The following EYS variants were observed in gnomAD, a reference collection of about 807,000 sequenced individuals.
The protein encoded by EYS is protein eyes shut homolog.
Under a neutral mutation model 282.1 loss-of-function variants are expected in EYS, and 250 were observed. That is an observed-to-expected ratio of 0.89 (90% CI 0.80 to 0.98). EYS has a LOEUF of 0.98. Ranked by LOEUF, EYS falls within the 50% of genes least tolerant of loss-of-function variation. EYS has a pLI of 0.00. For missense variants in EYS, 4,016 were observed against 3,709.0 expected, an observed-to-expected ratio of 1.08 and a Z score of -2.15; for synonymous variants, 1,355 against 1,282.9, an observed-to-expected ratio of 1.06 and a Z score of -1.20.
chr6:65,291,375 G>T lies in EYS; in HGVS notation c.2023+4488C>A, dbSNP rs765629516. 3.8e-4 allele frequency among the ~76,000 whole-genome samples: 58 copies of T among 151,592 alleles called. No homozygotes were observed. The Middle Eastern group carries it at 0.014, about 36-fold the overall frequency. ...AGTGTAAATGAGGACAGAGAATTTGGTTGTACCAAATCAACAACCACTCAC... is the reference window on the plus strand; with the variant it reads ...AGTGTAAATGAGGACAGAGAATTTGTTTGTACCAAATCAACAACCACTCAC... On this transcript the variant is annotated intron_variant, in intron 12 of 42. Transcript: ENST00000503581.
At chr6:64,779,908 G>T (rs551276648) in intron 22 of EYS, among the ~76,000 whole-genome samples, 1 of 152,214 alleles carries the variant, frequency 6.6e-6, no homozygotes, top group South Asian at 2.1e-4. Context: ...TCCTGCCTGG[G>T]GATCACCTCT....
chr6:64,912,938 AC>A (rs1356882165), intron 15 of EYS, among the ~76,000 whole-genome samples, 195 bp from the exon 16 acceptor site: 1 of 152,122 alleles, frequency 6.6e-6, no homozygotes, highest in Non-Finnish European at 1.5e-5. Flanking sequence ...CATAAAACTT[AC>A]CACCTTGGCT....
intron 31 of EYS, among the ~76,000 whole-genome samples, chr6:64,213,941 C>A (rs1765857161): frequency 6.6e-6 from 1 of 152,102 alleles, no homozygotes; most frequent in South Asian, 2.1e-4. Flanking sequence ...TGTCCAGAGT[C>A]ATACATTCAT....
intron 30 of EYS, among the ~76,000 whole-genome samples, chr6:64,297,907 G>T (rs936011542): frequency 2.7e-5 from 4 of 150,216 alleles, no homozygotes; most frequent in African/African-American, 9.9e-5. Context: ...GAACCCAGGA[G>T]GCAGAGGTTG....
At chr6:63,881,548 A>C (rs1562076683) in intron 35 of EYS, among the ~76,000 whole-genome samples, 1 of 152,246 alleles carries the variant, frequency 6.6e-6, no homozygotes, top group Non-Finnish European at 1.5e-5. Flanking sequence ...CCAGTTCCGA[A>C]TTAAAATTTT....
chr6:64,967,147 G>T (rs1770121122), intron 14 of EYS, among the ~76,000 whole-genome samples: 1 of 150,732 alleles, frequency 6.6e-6, no homozygotes, highest in Non-Finnish European at 1.5e-5. Context: ...CATGTAATCT[G>T]CCTGTCTCTA....
At position 64,420,723 on chromosome 6, in the gene EYS, G is replaced by T. The variant is rs532022152; in HGVS notation, c.5927+15451C>A. Among the ~76,000 whole-genome samples the T allele has an allele frequency of 1.1e-4, 16 of 152,248 alleles. No individual in the cohort carries two copies. The South Asian group carries it at 3.1e-3, about 30-fold the overall frequency. ...CTAAATCATCTCTCTCATGTTTAAA[G>T]TTCCACAGATCTCTTGGGTAGGGAC... On this transcript the variant is annotated intron_variant, in intron 28 of 42. Transcript: ENST00000503581.
In EYS at chr6:64,893,665, C is replaced by T. The variant is rs570540728; in HGVS notation, c.2847-6823G>A. Among the ~76,000 whole-genome samples, 192 of 151,990 alleles carry T rather than the reference C, an allele frequency of 1.3e-3. 1 individual carries two copies. Among genetic ancestry groups the T allele is most frequent in the African/African-American group, 4.5e-3 (186 of 41,502 alleles). On this transcript the variant is annotated intron_variant, in intron 18 of 42. Coordinates refer to ENST00000503581, the MANE Select transcript of EYS (RefSeq NM_001142800.2). ...AAATGGCTTTTATTATAATAATTTA[C>T]ACCAGGTAATTTTCTAAGAATAGAA...
At chr6:63,915,502 T>C (rs1024327683) in intron 35 of EYS, among the ~76,000 whole-genome samples, 11 of 152,308 alleles carry the variant, frequency 7.2e-5, no homozygotes, top group African/African-American at 2.2e-4. Context: ...CTGTAGCCCA[T>C]GAATTAAGGA....
At chr6:65,567,541 T>C (rs1446649884) in intron 2 of EYS, among the ~76,000 whole-genome samples, 27 of 152,038 alleles carry the variant, frequency 1.8e-4, no homozygotes, top group Non-Finnish European at 1.5e-5. Context: ...CTGAATGTCT[T>C]CTAATATTCC....
In EYS at chr6:65,335,068, C is replaced by A; in HGVS notation, c.1678G>T (p.Gly560Cys). 6.2e-7 allele frequency: 1 copy of A among 1,611,994 alleles called. No individual in the cohort carries two copies. Among genetic ancestry groups the A allele is most frequent in the Non-Finnish European group, 8.5e-7 (1 of 1,178,826 alleles). ...GTTGTATTTTCCAGATACATGTTGC[C>A]AGCCCATCTGAGAAAACATAGATAC... ...YRYLCFLRWA[G>C]NMYLENTTDD... Residue 560 changes from glycine to cysteine, a missense_variant, in exon 11 of 43, where the codon GGC becomes TGC. Physicochemically the swap from Gly to Cys is radical, Grantham distance 159. Coordinates refer to ENST00000503581, the MANE Select transcript of EYS (RefSeq NM_001142800.2).
intron 33 of EYS, among the ~76,000 whole-genome samples, chr6:64,009,434 C>G (rs1415564071): frequency 2.1e-5 from 3 of 141,032 alleles, no homozygotes; most frequent in Non-Finnish European, 4.6e-5. Flanking sequence ...CAGGCACCCA[C>G]CACCACGCAA....
intron 29 of EYS, among the ~76,000 whole-genome samples, chr6:64,354,830 A>G (rs2150405363): frequency 6.6e-6 from 1 of 151,716 alleles, no homozygotes; most frequent in East Asian, 2.0e-4. Flanking sequence ...AATTATAATT[A>G]TGTGTATTAC....
At chr6:65,585,936 T>C (rs1279650185) in intron 2 of EYS, among the ~76,000 whole-genome samples, 1 of 152,012 alleles carries the variant, frequency 6.6e-6, no homozygotes, top group Non-Finnish European at 1.5e-5. Context: ...TAATTGTGGC[T>C]TTTACCATTA....
intron 23 of EYS, among the ~76,000 whole-genome samples, chr6:64,622,575 G>GA (rs1433345487): frequency 6.6e-6 from 1 of 152,124 alleles, no homozygotes; most frequent in Non-Finnish European, 1.5e-5. Flanking sequence ...AGGGAAGGGA[G>GA]AAAAGAGATA....
chr6:64,132,866 A>G (rs1014608481), intron 31 of EYS, among the ~76,000 whole-genome samples: 1 of 152,018 alleles, frequency 6.6e-6, no homozygotes, highest in Non-Finnish European at 1.5e-5. Flanking sequence ...GAAATAAGTA[A>G]CTATCATAAA....
intron 33 of EYS, among the ~76,000 whole-genome samples, chr6:64,045,383 GTTTATTTTATTTTATTTTATTTTAT>G (rs548483513): frequency 2.5e-4 from 34 of 137,540 alleles, no homozygotes; most frequent in African/African-American, 5.8e-4. Flanking sequence ...GGTGAAACAA[GTTTATTTTATTTTATTTTATTTTAT>G]TTTATTTTAT....
At chr6:64,506,928 G>C (rs1582832281) in intron 26 of EYS, among the ~76,000 whole-genome samples, 2 of 85,394 alleles carry the variant, frequency 2.3e-5, no homozygotes, top group African/African-American at 1.0e-4. Context: ...AAAAAAAACT[G>C]ACTTACCTAA....
chr6:65,536,115 G>A (rs188042038), intron 2 of EYS, among the ~76,000 whole-genome samples: 353 of 152,164 alleles, frequency 2.3e-3, no homozygotes, highest in Middle Eastern at 3.4e-3. Context: ...AAGTAAATAT[G>A]GGGAAGAAGA....
Sources: allele counts gnomAD v4.1 joint callset (sites outside exome capture counted in the v4.1 genomes callset), GRCh38; gene constraint gnomAD v4.1.1; transcripts MANE v1.5; gene names NCBI Gene and HGNC (gene_info 2026-07-23, HGNC 2026-07-21).